Variants in RETREG1 observed in about 807,000 individuals in gnomAD.
The protein encoded by RETREG1 is family with sequence similarity 134 member B.
In RETREG1, 44 loss-of-function variants were observed where a neutral mutation model predicts 54.8. The ratio of observed to expected loss-of-function variants is 0.80; its 90% CI spans 0.63 to 1.03. RETREG1 has a LOEUF of 1.03. Ranked by LOEUF, RETREG1 falls within the 50% of genes least tolerant of loss-of-function variation. The probability of loss-of-function intolerance (pLI) is 0.00; values close to 1 mark genes in which losing one functional copy is unlikely to be tolerated. For synonymous variants in RETREG1, 217 were observed against 238.5 expected (o/e 0.91, Z 0.83); for missense variants, 554 against 605.1 (o/e 0.92, Z 0.89).
Position 16,474,294 on chromosome 5 carries a change from A to AT in RETREG1, c.*446dup, listed in dbSNP as rs5866188. ...TCAAAATCTATCCGTTGAAAAAAAA[A>AT]TTTTCCAGGTATTAGGAATAAGGAA... On this transcript the variant is annotated 3_prime_UTR_variant, in exon 9 of 9. Transcript: ENST00000306320. The AT allele has an allele frequency of 2.2e-3, 338 of 155,918 alleles. 2 individuals are homozygous for AT. Among genetic ancestry groups the AT allele is most frequent in the African/African-American group, 7.8e-3 (325 of 41,490 alleles). 9.7% of individuals were successfully genotyped at this position (155,918 alleles called of 1,614,324 possible).
chr5:16,500,088 C>T (rs1390929217), intron 3 of RETREG1, among the ~76,000 whole-genome samples: 2 of 152,228 alleles, frequency 1.3e-5, no homozygotes, highest in South Asian at 2.1e-4. Flanking sequence ...CCTTTAAGAC[C>T]GTCATTTCTT....
At chr5:16,559,439 C>T (rs1034400580) in intron 3 of RETREG1, among the ~76,000 whole-genome samples, 1 of 152,196 alleles carries the variant, frequency 6.6e-6, no homozygotes, top group African/African-American at 2.4e-5. Context: ...GCTCGGGAAG[C>T]CCCATCCACT....
intron 3 of RETREG1, among the ~76,000 whole-genome samples, chr5:16,486,576 T>C (rs2126525956): frequency 6.6e-6 from 1 of 152,342 alleles, no homozygotes; most frequent in Admixed American, 6.5e-5. Context: ...TTTTTGCAGC[T>C]AGTATGAGGC....
At chr5:16,475,636 C>T (rs1168572040) in intron 8 of RETREG1, among the ~76,000 whole-genome samples, 1 of 152,136 alleles carries the variant, frequency 6.6e-6, no homozygotes, top group African/African-American at 2.4e-5. Context: ...ATTTAAAATA[C>T]TATAATAAGT....
intron 3 of RETREG1, among the ~76,000 whole-genome samples, chr5:16,554,452 T>C (rs1741631905): frequency 6.6e-6 from 1 of 152,158 alleles, no homozygotes; most frequent in Non-Finnish European, 1.5e-5. Flanking sequence ...GGTTGTCACC[T>C]CCCCACATTC....
chr5:16,589,275 C>G (rs1265663230), intron 1 of RETREG1, among the ~76,000 whole-genome samples: 1 of 151,842 alleles, frequency 6.6e-6, no homozygotes, highest in African/African-American at 2.4e-5. Flanking sequence ...GGTGCGGCAA[C>G]CCTGACCACA....
intron 1 of RETREG1, among the ~76,000 whole-genome samples, chr5:16,598,714 A>G (rs923544852): frequency 6.6e-6 from 1 of 152,190 alleles, no homozygotes; most frequent in African/African-American, 2.4e-5. Flanking sequence ...AAACACTAAG[A>G]ACCACCTTTA....
At chr5:16,483,725 A>G (rs140081417) in intron 3 of RETREG1, among the ~76,000 whole-genome samples, 37 of 152,264 alleles carry the variant, frequency 2.4e-4, no homozygotes, top group Non-Finnish European at 3.8e-4. Flanking sequence ...GCTTAGGGAC[A>G]TCTTTAATGA....
chr5:16,536,139 T>G (rs1741066913), intron 3 of RETREG1, among the ~76,000 whole-genome samples: 1 of 152,198 alleles, frequency 6.6e-6, no homozygotes, highest in Non-Finnish European at 1.5e-5. Context: ...TTTATCTCCT[T>G]GGGAAAACAC....
intron 1 of RETREG1, among the ~76,000 whole-genome samples, chr5:16,606,239 C>T (rs183150377): frequency 2.0e-5 from 3 of 152,288 alleles, no homozygotes; most frequent in East Asian, 1.9e-4. Context: ...GGATGACATT[C>T]GTGATCGCCA....
intron 1 of RETREG1, among the ~76,000 whole-genome samples, chr5:16,582,505 G>A (rs6554933): frequency 0.069 from 10,481 of 151,910 alleles, 1,185 homozygotes; most frequent in African/African-American, 0.24. Context: ...TAGTTTATGG[G>A]ACTGGTCTCT....
At chr5:16,527,569 T>C (rs1035458071) in intron 3 of RETREG1, among the ~76,000 whole-genome samples, 6 of 152,056 alleles carry the variant, frequency 3.9e-5, no homozygotes, top group African/African-American at 9.7e-5. Flanking sequence ...ATAGAATTGA[T>C]AAAAATCATA....
At chr5:16,533,185 C>A (rs1265025690) in intron 3 of RETREG1, among the ~76,000 whole-genome samples, 1 of 152,092 alleles carries the variant, frequency 6.6e-6, no homozygotes, top group Admixed American at 6.5e-5. Flanking sequence ...GCTGGAACTA[C>A]AGGCACCCGC....
intron 8 of RETREG1, among the ~76,000 whole-genome samples, chr5:16,477,015 C>T (rs559235490): frequency 1.3e-5 from 2 of 152,166 alleles, no homozygotes; most frequent in South Asian, 2.1e-4. Flanking sequence ...ATACTTCAGC[C>T]CCTTTTAATG....
intron 3 of RETREG1, among the ~76,000 whole-genome samples, chr5:16,555,758 A>G (rs1741688862): frequency 6.6e-6 from 1 of 152,246 alleles, no homozygotes; most frequent in Admixed American, 6.5e-5. Flanking sequence ...AAATATGACT[A>G]CAAGTAACAA....
chr5:16,512,580 G>A (rs1370286505), intron 3 of RETREG1, among the ~76,000 whole-genome samples: 1 of 151,094 alleles, frequency 6.6e-6, no homozygotes, highest in Non-Finnish European at 1.5e-5. Context: ...CCATCAGTCC[G>A]AGTTTTTTTT....
chr5:16,579,635 G>A (rs1302057133), intron 1 of RETREG1, among the ~76,000 whole-genome samples: 1 of 152,060 alleles, frequency 6.6e-6, no homozygotes, highest in Non-Finnish European at 1.5e-5. Flanking sequence ...CCAAGCTCTT[G>A]GCAACCACTG....
intron 3 of RETREG1, among the ~76,000 whole-genome samples, chr5:16,523,476 G>A (rs1318588316): frequency 6.6e-6 from 1 of 152,110 alleles, no homozygotes; most frequent in East Asian, 1.9e-4. Context: ...GGGTTGGGGG[G>A]AGAGTCCATG....
chr5:16,532,316 G>A (rs1465380800), intron 3 of RETREG1, among the ~76,000 whole-genome samples: 4 of 152,184 alleles, frequency 2.6e-5, no homozygotes, highest in Non-Finnish European at 5.9e-5. Flanking sequence ...CACGAGGTCA[G>A]GAGTTCGAGA....
Sources: allele counts gnomAD v4.1 joint callset (sites outside exome capture counted in the v4.1 genomes callset), GRCh38; gene constraint gnomAD v4.1.1; transcripts MANE v1.5; gene names NCBI Gene and HGNC (gene_info 2026-07-23, HGNC 2026-07-21).